CAPN7: variants seen among roughly 807,000 people sequenced by gnomAD.
CAPN7 encodes calpain-7.
In CAPN7, 72 loss-of-function variants were observed where a neutral mutation model predicts 115.2. The observed-to-expected ratio is 0.63, with a 90% CI of 0.52 to 0.76. CAPN7 has a LOEUF of 0.76. Among genes scored for constraint, CAPN7 ranks in the 30% least tolerant of loss-of-function variants. CAPN7 has a pLI of 0.00. For missense variants in CAPN7, 905 were observed against 971.5 expected (o/e 0.93, Z 0.91); for synonymous variants, 344 against 322.3 (o/e 1.07, Z -0.72).
chr3:15,228,476 A>G (rs542635385), intron 7 of CAPN7, among the ~76,000 whole-genome samples: 117 of 152,364 alleles, frequency 7.7e-4, no homozygotes, highest in African/African-American at 2.7e-3. Flanking sequence ...AATGCCCATC[A>G]GTGACAGATT....
At chr3:15,241,638 G>T (rs1192046058) in intron 15 of CAPN7, 50 bp downstream of exon 15, 1 of 1,525,112 alleles carries the variant, frequency 6.6e-7, no homozygotes, top group South Asian at 1.2e-5. Flanking sequence ...TTTTAATATA[G>T]TTAGAACATT....
chr3:15,206,587 T>G lies in CAPN7; in HGVS notation c.92T>G (p.Phe31Cys). ...DHEGRYSEAV[F>C]YYKEAAQALI... ...GAAGGCCGCTACTCCGAGGCGGTGT[T>G]TTATTACAAGGTAGGGCCGGGCCCG... The change falls in exon 1 of 21, where the codon TTT (phenylalanine) becomes TGT (cysteine). Residue 31 changes from phenylalanine to cysteine, a missense_variant. Coordinates refer to ENST00000253693, the MANE Select transcript of CAPN7 (RefSeq NM_014296.3). The G allele has an allele frequency of 1.9e-6, 3 of 1,548,676 alleles. No homozygotes were observed. Among genetic ancestry groups the G allele is most frequent in the Non-Finnish European group, 2.6e-6 (3 of 1,146,204 alleles).
chr3:15,233,312 A>T (rs1575212019), intron 10 of CAPN7, among the ~76,000 whole-genome samples: 2 of 152,364 alleles, frequency 1.3e-5, no homozygotes, highest in Admixed American at 1.3e-4. Flanking sequence ...TTCCCTGCCA[A>T]ACCAGGTGTC....
intron 3 of CAPN7, 126 bp downstream of exon 3, chr3:15,217,708 A>G: frequency 1.5e-6 from 1 of 666,394 alleles, no homozygotes; most frequent in Non-Finnish European, 2.3e-6. Flanking sequence ...TTTAAATGTA[A>G]CAACTACTCC....
At chr3:15,210,934 T>C (rs182178351) in intron 1 of CAPN7, 1 of 1,187,258 alleles carries the variant, frequency 8.4e-7, no homozygotes, top group African/African-American at 1.6e-5. Flanking sequence ...TGCTGTTACT[T>C]GTAGAAATCT....
At chr3:15,237,903 A>G (rs190426088) in intron 12 of CAPN7, among the ~76,000 whole-genome samples, 66 of 152,064 alleles carry the variant, frequency 4.3e-4, no homozygotes, top group African/African-American at 1.5e-3. Context: ...CTTGAGCCCA[A>G]TGTTGCAGTG....
intron 1 of CAPN7, among the ~76,000 whole-genome samples, chr3:15,210,596 C>CTTTTTTTTTTTTT (rs371169868): frequency 0.028 from 2,930 of 104,122 alleles, 394 homozygotes; most frequent in African/African-American, 0.11. Flanking sequence ...TGCTTCCTTC[C>CTTTTTTTTTTTTT]TTTTTTTTTT....
intron 3 of CAPN7, among the ~76,000 whole-genome samples, chr3:15,217,855 A>G (rs1035722225): frequency 6.6e-6 from 1 of 152,246 alleles, no homozygotes; most frequent in African/African-American, 2.4e-5. Flanking sequence ...TACAGAATTC[A>G]TTATCACAAA....
In CAPN7 at chr3:15,223,498, T is replaced by C; in HGVS notation, c.662T>C (p.Ile221Thr). The change falls in exon 6 of 21, where the codon ATA (isoleucine) becomes ACA (threonine). Residue 221 changes from isoleucine (I) to threonine (T), a missense_variant. Physicochemically the swap from Ile to Thr is moderately conservative, Grantham distance 89 (BLOSUM62 -1). Around this residue, in one of 3 missense-constraint regions of CAPN7, gnomAD observed 14 missense variants for 28.5 expected, o/e 0.49. Transcript: ENST00000253693. The stretch of plus-strand genomic sequence containing the variant: ...AGGACAACATCAAAAATAAATGGTA[T>C]AGAATATGTTCCTTTCATGAATGTT... ...VLRTTSKING[I>T]EYVPFMNVDL... 2 of 1,610,382 alleles carry C rather than the reference T, an allele frequency of 1.2e-6. No homozygotes were observed. Among genetic ancestry groups the C allele is most frequent in the African/African-American group, 2.7e-5 (2 of 74,962 alleles).
chr3:15,245,205 A>G (rs1695587446), intron 16 of CAPN7, among the ~76,000 whole-genome samples: 2 of 152,056 alleles, frequency 1.3e-5, no homozygotes, highest in Admixed American at 6.5e-5. Flanking sequence ...CTCAAAAAAA[A>G]AACTAATCCT....
chr3:15,220,830 T>A lies in CAPN7; in HGVS notation c.487T>A (p.Ser163Thr). The A allele has an allele frequency of 6.2e-7, 1 of 1,614,198 alleles. No homozygotes were observed. The highest frequency in any genetic ancestry group is 8.5e-7 in the Non-Finnish European group (1 of 1,180,032). ...GACCAAGCCAGTTGGCAAAATCAGT[T>A]CAACAAGTGTTAAGCCAAAGCCACC... ...PLTKPVGKIS[S>T]TSVKPKPPPV... The change falls in exon 5 of 21, where the codon TCA becomes ACA. Residue 163 changes from serine (S) to threonine (T), a missense_variant. This residue lies in a region of CAPN7 where 271 missense variants were observed against 239.6 expected (regional missense o/e 1.13). Transcript: ENST00000253693.
At chr3:15,227,725 T>TAA in intron 6 of CAPN7, 114 bp from the exon 7 acceptor site, 1 of 510,628 alleles carries the variant, frequency 2.0e-6, no homozygotes, top group Non-Finnish European at 3.2e-6. Flanking sequence ...TTTAAGATAA[T>TAA]ACAGTACTGC....
intron 6 of CAPN7, among the ~76,000 whole-genome samples, chr3:15,226,605 ACAGTTAG>A (rs1694331267): frequency 6.6e-6 from 1 of 152,154 alleles, no homozygotes; most frequent in Non-Finnish European, 1.5e-5. Context: ...CTTTCTGTTT[ACAGTTAG>A]CTCCTGGTAT....
rs1458253322 is a variant in CAPN7 at position 15,220,868 on chromosome 3, A to G, written c.525A>G (p.Ala175=). ...SVKPKPPPVR[A]HFPLGANPFL... ...AGCCAAAGCCACCTCCAGTGAGAGC[A>G]CATTTTCCACTGGGCGCTAATCCCT... The change falls in exon 5 of 21, where the codon GCA becomes GCG. Residue 175 remains alanine (A), a synonymous_variant. Coordinates refer to ENST00000253693, the MANE Select transcript of CAPN7 (RefSeq NM_014296.3). The G allele has an allele frequency of 6.2e-7, 1 of 1,614,148 alleles. No individual in the cohort carries two copies. Among genetic ancestry groups the G allele is most frequent in the Admixed American group, 1.7e-5 (1 of 60,022 alleles).
chr3:15,206,812 C>T (rs1034782329), intron 1 of CAPN7, among the ~76,000 whole-genome samples: 1 of 152,224 alleles, frequency 6.6e-6, no homozygotes, highest in Non-Finnish European at 1.5e-5. Context: ...TTGCAGCCGC[C>T]GCTCCTCCAC....
In CAPN7 at chr3:15,252,417, C is replaced by T. The variant is rs1696041789; in HGVS notation, c.*1157C>T. The T allele has an allele frequency of 6.6e-6, 1 of 152,532 alleles. No homozygotes were observed. Among genetic ancestry groups the T allele is most frequent in the South Asian group, 2.1e-4 (1 of 4,818 alleles). 9.4% of individuals were successfully genotyped at this position (152,532 alleles called of 1,614,324 possible). ...ACTTCAACAAAAATCTGTTCTTTAA[C>T]AGAGTAGTGGTAGATTATTACACTA... is the stretch of plus-strand genomic sequence containing the variant. On this transcript the variant is annotated 3_prime_UTR_variant, in exon 21 of 21. Coordinates refer to ENST00000253693, the MANE Select transcript of CAPN7 (RefSeq NM_014296.3).
At chr3:15,230,931 T>C (rs1453692113) in intron 9 of CAPN7, among the ~76,000 whole-genome samples, 1 of 152,224 alleles carries the variant, frequency 6.6e-6, no homozygotes, top group Non-Finnish European at 1.5e-5. Context: ...TGAAATTATT[T>C]CCTTTTAAAT....
intron 6 of CAPN7, among the ~76,000 whole-genome samples, chr3:15,226,045 A>G (rs1694293602): frequency 1.3e-5 from 2 of 152,066 alleles, no homozygotes; most frequent in African/African-American, 2.4e-5. Flanking sequence ...TAAAATAAGC[A>G]TTATTGAATA....
chr3:15,229,561 CTTTTTTTTTT>C (rs566957976), intron 8 of CAPN7, among the ~76,000 whole-genome samples: 22 of 87,874 alleles, frequency 2.5e-4, no homozygotes, highest in Middle Eastern at 7.8e-3. Context: ...TACTTTTTTT[CTTTTTTTTTT>C]TTTTTTTTTT....
Sources: gnomAD v4.1 joint callset for allele counts (sites outside exome capture counted in the v4.1 genomes callset) on GRCh38, gnomAD v4.1.1 for gene constraint, gnomAD v4.1.1 regional missense constraint, MANE v1.5 for transcripts, NCBI Gene and HGNC (gene_info 2026-07-23, HGNC 2026-07-21) for gene names.